ZFYVE1: variants seen among roughly 807,000 people sequenced by gnomAD.
ZFYVE1 encodes zinc finger FYVE domain-containing protein 1.
In ZFYVE1, 30 loss-of-function variants were observed where a neutral mutation model predicts 74.4. The ratio of observed to expected loss-of-function variants is 0.40; its 90% confidence interval spans 0.30 to 0.55. ZFYVE1 has a LOEUF of 0.55. Among genes scored for constraint, ZFYVE1 ranks in the 20% least tolerant of loss-of-function variants. The probability of loss-of-function intolerance (pLI) is 0.42; values close to 1 mark genes in which losing one functional copy is unlikely to be tolerated. For synonymous variants in ZFYVE1, 335 were observed against 385.1 expected, an observed-to-expected ratio of 0.87 and a Z score of 1.52; for missense variants, 703 against 1,011.6, an observed-to-expected ratio of 0.69 and a Z score of 4.14.
chr14:72,974,013 A>C, intron 11 of ZFYVE1, 67 bp downstream of exon 11: 1 of 1,421,682 alleles, frequency 7.0e-7, no homozygotes, highest in Non-Finnish European at 9.9e-7. Context: ...ACAAAGTGAC[A>C]GCCCAGGGCA....
intron 2 of ZFYVE1, among the ~76,000 whole-genome samples, chr14:73,010,436 T>C (rs1204515373): frequency 2.0e-5 from 3 of 152,126 alleles, no homozygotes; most frequent in South Asian, 2.1e-4. Flanking sequence ...ACCCCTTCTC[T>C]ACTAAAAATA....
Position 72,970,865 on chromosome 14 carries a change from C to T in ZFYVE1, c.*17G>A, listed in dbSNP as rs370303392. 2 of 1,612,726 alleles carry T rather than the reference C, an allele frequency of 1.2e-6. No homozygotes were observed. Among genetic ancestry groups the T allele is most frequent in the Non-Finnish European group, 8.5e-7 (1 of 1,178,942 alleles). On this transcript the variant is annotated 3_prime_UTR_variant, in exon 12 of 12. Coordinates refer to ENST00000556143, the MANE Select transcript of ZFYVE1 (RefSeq NM_021260.4). ...AGAACCTAAGGAATTGTGAAGGACT[C>T]GGAGAGGGGGCTGGGGTTAAAGGTC...
intron 2 of ZFYVE1, among the ~76,000 whole-genome samples, chr14:73,005,981 G>A (rs1478242845): frequency 6.6e-6 from 1 of 151,976 alleles, no homozygotes; most frequent in Non-Finnish European, 1.5e-5. Context: ...GAGTGCAGTG[G>A]CACGATCTCA....
Position 72,978,931 on chromosome 14 carries a change from C to A in ZFYVE1, c.1349G>T (p.Gly450Val). The change falls in exon 6 of 12, where the codon GGA (glycine) becomes GTA (valine). Residue 450 changes from glycine (G) to valine (V), a missense_variant. Around this residue, in one of 2 missense-constraint regions of ZFYVE1, gnomAD observed 492 missense variants for 790.0 expected, o/e 0.62. Transcript: ENST00000556143. ...GCGGCTCTTGGCTTCATGAGGCACT[C>A]CTTCCTTCCCATGATTCATGCTTTT... ...CKKSMNHGKE[G>V]VPHEAKSRCR... 1 of 1,614,002 alleles carries A rather than the reference C, an allele frequency of 6.2e-7. No individual in the cohort carries two copies. The highest frequency in any genetic ancestry group is 1.1e-5 in the South Asian group (1 of 91,064).
chr14:72,997,900 G>A lies in ZFYVE1; in HGVS notation c.899C>T (p.Ala300Val). ...HFTKELKATT[A>V]RCGLDVPLST... ...TAAAGGGACATCCAGGCCACAGCGA[G>A]CAGTGGTGGCCTTGAGCTCCTTGGT... The change falls in exon 3 of 12, where the codon GCT becomes GTT. Residue 300 changes from alanine to valine, a missense_variant. Ala to Val is a moderately conservative substitution (Grantham distance 64, BLOSUM62 0). Around this residue, in one of 2 missense-constraint regions of ZFYVE1, gnomAD observed 492 missense variants for 790.0 expected, o/e 0.62. Transcript: ENST00000556143. 1.9e-6 allele frequency: 3 copies of A among 1,614,174 alleles called. No individual in the cohort carries two copies. Among genetic ancestry groups the A allele is most frequent in the Non-Finnish European group, 1.7e-6 (2 of 1,180,002 alleles).
intron 3 of ZFYVE1, among the ~76,000 whole-genome samples, chr14:72,993,776 C>A (rs1893678815): frequency 6.6e-6 from 1 of 151,950 alleles, no homozygotes; most frequent in Non-Finnish European, 1.5e-5. Flanking sequence ...GTAATCCCAG[C>A]ATTATGGGAG....
chr14:73,015,756 T>C (rs1234371581), intron 2 of ZFYVE1, among the ~76,000 whole-genome samples: 2 of 152,094 alleles, frequency 1.3e-5, no homozygotes, highest in Non-Finnish European at 2.9e-5. Context: ...TGAGCAACAC[T>C]ATTCTGGGAC....
Position 72,971,026 on chromosome 14 carries a change from G to C in ZFYVE1, c.2190C>G (p.Ile730Met). 6.2e-7 allele frequency: 1 copy of C among 1,614,218 alleles called. No individual in the cohort carries two copies. Among genetic ancestry groups the C allele is most frequent in the South Asian group, 1.1e-5 (1 of 91,082 alleles). The change falls in exon 12 of 12, where the codon ATC becomes ATG. Residue 730 changes from isoleucine to methionine, a missense_variant. By Grantham distance (10) the Ile-to-Met change is conservative. This residue lies in a region of ZFYVE1 where 492 missense variants were observed against 790.0 expected (regional missense o/e 0.62). Transcript: ENST00000556143. The part of the protein sequence containing the change: ...HCHNCRKEFS[I>M]KLSKHHCRAC... ...CCCGGCAGTGGTGCTTGGAGAGCTT[G>C]ATGCTGAACTCCTTCCGGCAGTTGT...
chr14:73,019,268 C>A (rs1162262305), intron 2 of ZFYVE1, among the ~76,000 whole-genome samples: 2 of 152,124 alleles, frequency 1.3e-5, no homozygotes. Context: ...AGGGTTACAG[C>A]CTACAGGTGC....
chr14:73,015,315 AGGG>A (rs1894172239), intron 2 of ZFYVE1, among the ~76,000 whole-genome samples: 1 of 72,168 alleles, frequency 1.4e-5, no homozygotes, highest in African/African-American at 5.8e-5. Context: ...GGAGGGAGGG[AGGG>A]AAGGGGGAAG....
intron 2 of ZFYVE1, among the ~76,000 whole-genome samples, chr14:73,023,305 A>ATATATGTTTTATATATAATATATAT (rs1894372177): frequency 1.2e-5 from 1 of 86,044 alleles, no homozygotes; most frequent in South Asian, 3.0e-4. Context: ...AATATATATT[A>ATATATGTTTTATATATAATATATAT]TATATGTTTT....
chr14:73,015,284 GGAAGGAAGGAAA>G (rs1940727222), intron 2 of ZFYVE1, among the ~76,000 whole-genome samples: 5 of 83,052 alleles, frequency 6.0e-5, no homozygotes, highest in Admixed American at 2.4e-4. Flanking sequence ...AAGGAAGGAA[GGAAGGAAGGAAA>G]GAAGGGAGGG....
In ZFYVE1 at chr14:73,023,959, T is replaced by C. The variant is rs902316606; in HGVS notation, c.483+67A>G. On this transcript the variant is annotated intron_variant, in intron 2 of 11. Coordinates refer to ENST00000556143, the MANE Select transcript of ZFYVE1 (RefSeq NM_021260.4). Reference sequence around the variant, plus strand: ...TGATCTCTTCTTGGACATCGTTTTTTGAGAGCTGGCTTCCAACAACAGATC... The same window carrying C: ...TGATCTCTTCTTGGACATCGTTTTTCGAGAGCTGGCTTCCAACAACAGATC... 13 of 1,550,264 alleles carry C rather than the reference T, an allele frequency of 8.4e-6. No individual in the cohort carries two copies. The African/African-American group carries it at 1.6e-4, about 20-fold the overall frequency.
At chr14:72,986,380 C>T (rs1268649879) in intron 4 of ZFYVE1, among the ~76,000 whole-genome samples, 4 of 151,800 alleles carry the variant, frequency 2.6e-5, no homozygotes, top group South Asian at 2.1e-4. Context: ...GCATCTCACT[C>T]GTTCACAAGT....
intron 2 of ZFYVE1, among the ~76,000 whole-genome samples, chr14:73,010,669 T>G (rs959697490): frequency 1.4e-5 from 2 of 147,482 alleles, no homozygotes; most frequent in African/African-American, 5.0e-5. Context: ...ACTCTGGAGG[T>G]TGAGGCAGGA....
At position 72,969,694 on chromosome 14, in the gene ZFYVE1, C is replaced by T. The variant is rs1006365345; in HGVS notation, c.*1188G>A. On this transcript the variant is annotated 3_prime_UTR_variant, in exon 12 of 12. Coordinates refer to ENST00000556143, the MANE Select transcript of ZFYVE1 (RefSeq NM_021260.4). Reference sequence around the variant, plus strand: ...GTTTGGCCACTGAAGATCAAATCCACCATGATGATAGGATTTCAGCACAAC... The same window carrying T: ...GTTTGGCCACTGAAGATCAAATCCATCATGATGATAGGATTTCAGCACAAC... The T allele has an allele frequency of 7.1e-6, 5 of 702,214 alleles. No homozygotes were observed. In the African/African-American group the frequency reaches 8.7e-5, roughly 12 times the overall value. The allele number at this position is 702,214 out of a possible 1,614,324, so 43.5% of individuals were successfully genotyped here.
chr14:72,969,937 G>C lies in ZFYVE1; in HGVS notation c.*945C>G, dbSNP rs1294105700. The C allele has an allele frequency of 1.4e-5, 8 of 591,400 alleles. No individual in the cohort carries two copies. The highest frequency in any genetic ancestry group is 1.1e-4 in the African/African-American group (6 of 53,438). 36.6% of individuals were successfully genotyped at this position (591,400 alleles called of 1,614,324 possible). Reference sequence around the variant, plus strand: ...CCCCTCCGAGAGCTAGAGGGGTTGTGTGTCTGGGAACAAAGGATTAAGACA... The same window carrying C: ...CCCCTCCGAGAGCTAGAGGGGTTGTCTGTCTGGGAACAAAGGATTAAGACA... On this transcript the variant is annotated 3_prime_UTR_variant, in exon 12 of 12. Transcript: ENST00000556143.
intron 4 of ZFYVE1, chr14:72,987,054 G>T: frequency 4.1e-6 from 3 of 739,636 alleles, no homozygotes; most frequent in Non-Finnish European, 5.0e-6. Flanking sequence ...AACTTTAGTT[G>T]CCTTGACAAC....
At chr14:72,979,241 T>G (rs1286156650) in intron 5 of ZFYVE1, 5 of 371,948 alleles carry the variant, frequency 1.3e-5, no homozygotes, top group Admixed American at 3.7e-5. Context: ...GGCTCACGTC[T>G]GTAATCCCAG....
Sources: allele counts gnomAD v4.1 joint callset (sites outside exome capture counted in the v4.1 genomes callset), GRCh38; gene constraint gnomAD v4.1.1; regional missense constraint gnomAD v4.1.1; transcripts MANE v1.5; gene names NCBI Gene and HGNC (gene_info 2026-07-23, HGNC 2026-07-21).